TYW1B: variants seen among roughly 807,000 people sequenced by gnomAD.
TYW1B encodes the protein tRNA-yW synthesizing protein 1 homolog B.
In TYW1B, 73 loss-of-function variants were observed where a neutral mutation model predicts 86.9. The observed-to-expected ratio is 0.84, with a 90% CI of 0.70 to 1.02. TYW1B has a LOEUF of 1.02. Ranked by LOEUF, TYW1B falls within the 50% of genes least tolerant of loss-of-function variation. TYW1B has a pLI of 0.00. For synonymous variants in TYW1B, 248 were observed against 292.8 expected (o/e 0.85, Z 1.56); for missense variants, 637 against 827.4 (o/e 0.77, Z 2.82).
chr7:72,631,297 G>A (rs1812483647), intron 11 of TYW1B, among the ~76,000 whole-genome samples: 1 of 152,172 alleles, frequency 6.6e-6, no homozygotes, highest in African/African-American at 2.4e-5. Context: ...TCGCTCACTT[G>A]AGGTCAGGAG....
intron 11 of TYW1B, among the ~76,000 whole-genome samples, chr7:72,675,390 T>C (rs1190356014): frequency 6.6e-6 from 1 of 151,556 alleles, no homozygotes; most frequent in Non-Finnish European, 1.5e-5. Flanking sequence ...CAGAGTGAAA[T>C]TCTGTCTCAA....
intron 13 of TYW1B, among the ~76,000 whole-genome samples, chr7:72,590,963 T>C (rs1554431285): frequency 6.6e-6 from 1 of 151,976 alleles, no homozygotes; most frequent in African/African-American, 2.4e-5. Flanking sequence ...AAAGGATATA[T>C]GAACAAAACA....
At chr7:72,653,477 A>T (rs1554443131) in intron 11 of TYW1B, among the ~76,000 whole-genome samples, 1 of 151,488 alleles carries the variant, frequency 6.6e-6, no homozygotes, top group African/African-American at 2.4e-5. Context: ...CGTGGTGGCG[A>T]GCACCTGTAG....
chr7:72,611,231 C>T (rs565441528), intron 13 of TYW1B, among the ~76,000 whole-genome samples: 164 of 152,270 alleles, frequency 1.1e-3, no homozygotes, highest in African/African-American at 3.8e-3. Flanking sequence ...TCCATTCTTC[C>T]ATCATAGCTC....
intron 11 of TYW1B, among the ~76,000 whole-genome samples, chr7:72,656,623 GA>G (rs1233057535): frequency 1.3e-5 from 2 of 151,458 alleles, no homozygotes; most frequent in Non-Finnish European, 2.9e-5. Flanking sequence ...AAAAAAAAAA[GA>G]AAAAAGAGAA....
intron 13 of TYW1B, among the ~76,000 whole-genome samples, chr7:72,591,718 T>C (rs1334241299): frequency 6.6e-6 from 1 of 152,216 alleles, no homozygotes. Flanking sequence ...AGACAGTAAT[T>C]TGAAGCTGCA....
rs528808051 is a variant in TYW1B, at chr7:72,791,943, C to T, written c.846+10457G>A. On this transcript the variant is annotated intron_variant, in intron 6 of 13. Transcript: ENST00000620995. ...ATCAACCTGAGGATGGTCTAAGGAC[C>T]GCAACAAATCTGTAGCTGGTGTCAA... is the stretch of plus-strand genomic sequence containing the variant. Among the ~76,000 whole-genome samples, 243 of 152,186 alleles carry T rather than the reference C, an allele frequency of 1.6e-3. 3 individuals carry two copies. Among genetic ancestry groups the T allele is most frequent in the Non-Finnish European group, 5.1e-4 (35 of 67,996 alleles).
chr7:72,644,335 G>C (rs1554441791), intron 11 of TYW1B, among the ~76,000 whole-genome samples: 1 of 152,088 alleles, frequency 6.6e-6, no homozygotes, highest in African/African-American at 2.4e-5. Flanking sequence ...GGATCACAAG[G>C]TCAGGAGTTC....
chr7:72,599,131 A>T (rs1391295504), intron 13 of TYW1B, among the ~76,000 whole-genome samples: 1 of 152,216 alleles, frequency 6.6e-6, no homozygotes. Flanking sequence ...ACAGATGTAA[A>T]ATCAATAAAA....
chr7:72,646,321 C>CA (rs1812930195), intron 11 of TYW1B, among the ~76,000 whole-genome samples: 1 of 152,064 alleles, frequency 6.6e-6, no homozygotes, highest in Non-Finnish European at 1.5e-5. Flanking sequence ...CTTGGCCTCC[C>CA]AAAGTGTTGG....
intron 9 of TYW1B, among the ~76,000 whole-genome samples, chr7:72,721,294 T>C (rs1482262537): frequency 6.6e-6 from 1 of 152,238 alleles, no homozygotes; most frequent in Non-Finnish European, 1.5e-5. Context: ...ATGGTATTTC[T>C]AGTTCTAGAT....
rs1463469848 is a variant in TYW1B at position 72,828,176 on chromosome 7, C to G, written c.-101G>C. The G allele has an allele frequency of 1.1e-5, 18 of 1,579,526 alleles. No homozygotes were observed. The South Asian group carries it at 1.3e-4, about 11-fold the overall frequency. ...ACCGAGCTACCTCGCGGCGTTAGCG[C>G]CGTACCGAGTGGCTGCAGAACTGTG... On this transcript the variant is annotated 5_prime_UTR_variant, in exon 1 of 14. Coordinates refer to ENST00000620995, the MANE Select transcript of TYW1B (RefSeq NM_001145440.3).
At chr7:72,682,929 A>G (rs1813911821) in intron 11 of TYW1B, among the ~76,000 whole-genome samples, 1 of 152,194 alleles carries the variant, frequency 6.6e-6, no homozygotes, top group African/African-American at 2.4e-5. Context: ...AGTTTTACCT[A>G]CTGGAGCTCT....
intron 2 of TYW1B, among the ~76,000 whole-genome samples, chr7:72,825,325 A>T (rs1262502612): frequency 6.6e-6 from 1 of 152,170 alleles, no homozygotes; most frequent in Non-Finnish European, 1.5e-5. Flanking sequence ...TATTTACTTT[A>T]GTGTCTACCT....
intron 13 of TYW1B, among the ~76,000 whole-genome samples, chr7:72,600,954 G>A (rs1261934212): frequency 2.0e-5 from 3 of 152,110 alleles, no homozygotes; most frequent in East Asian, 1.9e-4. Flanking sequence ...TCAGGAGTTC[G>A]AGACCAGCCT....
intron 9 of TYW1B, among the ~76,000 whole-genome samples, chr7:72,715,053 T>G (rs1786752288): frequency 6.6e-6 from 1 of 152,180 alleles, no homozygotes; most frequent in Non-Finnish European, 1.5e-5. Flanking sequence ...TAAAAGCCAC[T>G]GCATGAAACC....
chr7:72,580,416 C>G (rs1260064826), intron 13 of TYW1B, among the ~76,000 whole-genome samples: 2 of 152,114 alleles, frequency 1.3e-5, no homozygotes, highest in Non-Finnish European at 2.9e-5. Flanking sequence ...AAGAATCCCT[C>G]GAATCCAACA....
intron 7 of TYW1B, among the ~76,000 whole-genome samples, chr7:72,765,167 T>C (rs1419266922): frequency 6.6e-6 from 1 of 152,202 alleles, no homozygotes; most frequent in East Asian, 1.9e-4. Flanking sequence ...AAATGGTCAC[T>C]TCCTGGAAGG....
At chr7:72,632,317 T>TA (rs1812520392) in intron 11 of TYW1B, among the ~76,000 whole-genome samples, 1 of 93,578 alleles carries the variant, frequency 1.1e-5, no homozygotes, top group Non-Finnish European at 1.9e-5. Flanking sequence ...ATATATTATA[T>TA]ATATTATATA....
Sources: allele counts gnomAD v4.1 joint callset (sites outside exome capture counted in the v4.1 genomes callset), GRCh38; gene constraint gnomAD v4.1.1; transcripts MANE v1.5; gene names NCBI Gene and HGNC (gene_info 2026-07-23, HGNC 2026-07-21).